Variants in PHIP observed in about 807,000 individuals in gnomAD.
The protein encoded by PHIP is PHIP subunit of CUL4-Ring ligase complex, also known as PH-interacting protein.
PHIP carries 54 observed loss-of-function variants against 236.8 expected under a neutral mutation model. That is an observed-to-expected ratio of 0.23 (90% confidence interval 0.18 to 0.29). The LOEUF (loss-of-function observed/expected upper bound fraction) is 0.29. PHIP is among the 10% of genes least tolerant of loss of function. PHIP has a pLI of 1.00. For missense variants in PHIP, 1,370 were observed against 2,190.8 expected, an observed-to-expected ratio of 0.63 and a Z score of 7.48; for synonymous variants, 756 against 718.9, an observed-to-expected ratio of 1.05 and a Z score of -0.83.
In PHIP at chr6:78,946,394, T is replaced by A. The variant is rs891942486; in HGVS notation, c.4371-134A>T. The A allele has an allele frequency of 1.5e-5, 21 of 1,392,618 alleles. No individual in the cohort carries two copies. The African/African-American group carries it at 2.2e-4, about 15-fold the overall frequency. 86.3% of individuals were successfully genotyped at this position (1,392,618 alleles called of 1,614,324 possible). The stretch of plus-strand genomic sequence containing the variant: ...AATATGAGATTTATAGTGGATTTCA[T>A]ATGATTGTGAGCCTTTGAAAGTGAA... On this transcript the variant is annotated intron_variant, in intron 37 of 39. Transcript: ENST00000275034.
chr6:78,948,294 G>A (rs749868460), intron 35 of PHIP, among the ~76,000 whole-genome samples: 14 of 152,006 alleles, frequency 9.2e-5, no homozygotes, highest in South Asian at 2.1e-4. Flanking sequence ...AAAGAATTAC[G>A]AATGTAAATA....
At chr6:79,058,936 T>C (rs148489973) in intron 6 of PHIP, among the ~76,000 whole-genome samples, 29 of 152,248 alleles carry the variant, frequency 1.9e-4, no homozygotes, top group African/African-American at 6.0e-4. Flanking sequence ...GCAGGAATCC[T>C]ATTATACCAC....
At chr6:78,987,866 T>C (rs1041472990) in intron 21 of PHIP, among the ~76,000 whole-genome samples, 3 of 152,178 alleles carry the variant, frequency 2.0e-5, no homozygotes, top group African/African-American at 7.2e-5. Context: ...AGCTTCATGG[T>C]ACCACTTAAA....
Position 78,982,903 on chromosome 6 carries a change from TG to T in PHIP, c.2751del (p.Glu919LysfsTer12). Reference sequence around the variant, plus strand: ...AACCAAACCTTTTGTTTTCTTTCTTTGGGCTTCTTTTTCTTTGGTGATATTG... The same window carrying T: ...AACCAAACCTTTTGTTTTCTTTCTTTGGCTTCTTTTTCTTTGGTGATATTG... ...DGPISPKKKK[P>X]KERKQKRLAV... On this transcript the variant is annotated frameshift_variant, in exon 23 of 40. Coordinates refer to ENST00000275034, the MANE Select transcript of PHIP (RefSeq NM_017934.7). LOFTEE classifies it high-confidence loss of function. The T allele has an allele frequency of 6.4e-7, 1 of 1,563,250 alleles. No individual in the cohort carries two copies.
chr6:79,077,718 G>A lies in PHIP; in HGVS notation c.111C>T (p.Arg37=), dbSNP rs1333702311. The A allele has an allele frequency of 2.0e-6, 2 of 1,012,820 alleles. No individual in the cohort carries two copies. Among genetic ancestry groups the A allele is most frequent in the Non-Finnish European group, 2.4e-6 (2 of 850,238 alleles). The allele number at this position is 1,012,820 out of a possible 1,614,324, so 62.7% of individuals were successfully genotyped here. A position where few individuals can be genotyped will look rare whatever the true frequency, so the allele number is the denominator to read the frequency against. Residue 37 remains arginine, a synonymous_variant, in exon 3 of 40, where the codon CGC becomes CGT. Coordinates refer to ENST00000275034, the MANE Select transcript of PHIP (RefSeq NM_017934.7). ...PCQQAAQVLI[R]EVAEKELLPR... ...CCCTTACCTCCTTCTCGGCCACCTC[G>A]CGGATCAGCACCTGCAACAACAAAG... is the stretch of plus-strand genomic sequence containing the variant.
At chr6:79,006,033 T>C (rs984371287) in intron 15 of PHIP, among the ~76,000 whole-genome samples, 9 of 152,022 alleles carry the variant, frequency 5.9e-5, no homozygotes, top group African/African-American at 2.2e-4. Context: ...CAGTATTAAT[T>C]TTCTTGGTAT....
chr6:78,960,232 T>G (rs1469064303), intron 31 of PHIP, among the ~76,000 whole-genome samples: 1 of 152,180 alleles, frequency 6.6e-6, no homozygotes, highest in East Asian at 1.9e-4. Flanking sequence ...ACTTTAGCAA[T>G]TATCATGTTG....
At chr6:79,006,974 ATTTTG>A (rs1770323944) in intron 15 of PHIP, among the ~76,000 whole-genome samples, 2 of 152,044 alleles carry the variant, frequency 1.3e-5, no homozygotes, top group South Asian at 4.1e-4. Flanking sequence ...CAATTATTGT[ATTTTG>A]TTTTATTTTT....
chr6:78,983,185 G>A (rs771814241), intron 22 of PHIP, 68 bp from the exon 23 acceptor site: 5 of 773,846 alleles, frequency 6.5e-6, no homozygotes, highest in Non-Finnish European at 8.0e-6. Context: ...TTATAAAAAC[G>A]AAAAGAAAGA....
intron 15 of PHIP, among the ~76,000 whole-genome samples, chr6:79,010,984 G>T (rs1262648093): frequency 1.3e-5 from 2 of 151,866 alleles, no homozygotes; most frequent in Non-Finnish European, 2.9e-5. Context: ...TTTCACAGAA[G>T]GCCCTCAGCT....
At chr6:79,033,337 A>C (rs1367157451) in intron 7 of PHIP, among the ~76,000 whole-genome samples, 1 of 152,202 alleles carries the variant, frequency 6.6e-6, no homozygotes, top group East Asian at 1.9e-4. Flanking sequence ...TAATTATGAA[A>C]GTCCTAGATG....
chr6:78,973,704 C>CA (rs1433824638), intron 24 of PHIP, among the ~76,000 whole-genome samples: 1 of 150,912 alleles, frequency 6.6e-6, no homozygotes, highest in Non-Finnish European at 1.5e-5. Context: ...AAATGGAAAA[C>CA]AAAAAAAGAC....
intron 15 of PHIP, among the ~76,000 whole-genome samples, chr6:79,008,708 C>T (rs1425192689): frequency 6.6e-6 from 1 of 152,096 alleles, no homozygotes; most frequent in African/African-American, 2.4e-5. Context: ...CTATAAGAAA[C>T]ACTTCAACAC....
At position 78,955,425 on chromosome 6, in the gene PHIP, G is replaced by C. The variant is rs1184683348; in HGVS notation, c.3853-143C>G. 9.6e-6 allele frequency: 6 copies of C among 627,920 alleles called. No individual in the cohort carries two copies. The African/African-American group carries it at 1.2e-4, about 12-fold the overall frequency. 38.9% of individuals were successfully genotyped at this position (627,920 alleles called of 1,614,324 possible). A position where few individuals can be genotyped will look rare whatever the true frequency, so the allele number is the denominator to read the frequency against. ...GGCACTTTATTGACTCATTAAAAAGGTTCCCCCCATTAAAAAATTTTTTTT... is the reference window on the plus strand; with the variant it reads ...GGCACTTTATTGACTCATTAAAAAGCTTCCCCCCATTAAAAAATTTTTTTT... On this transcript the variant is annotated intron_variant, in intron 33 of 39. Transcript: ENST00000275034.
intron 36 of PHIP, 58 bp from the exon 37 acceptor site, chr6:78,946,932 G>C (rs1186918637): frequency 1.1e-6 from 1 of 931,748 alleles, no homozygotes; most frequent in South Asian, 1.7e-5. Context: ...CCTTTGTTCA[G>C]TAAATACTGT....
chr6:78,968,188 A>G (rs1003755970), intron 27 of PHIP, among the ~76,000 whole-genome samples: 12 of 152,208 alleles, frequency 7.9e-5, no homozygotes, highest in Non-Finnish European at 1.5e-4. Context: ...TGAAAAATTT[A>G]AACAATCAGA....
chr6:79,043,865 A>C (rs2127760976), intron 6 of PHIP, among the ~76,000 whole-genome samples: 1 of 149,850 alleles, frequency 6.7e-6, no homozygotes, highest in East Asian at 1.9e-4. Context: ...TGCCATCTAC[A>C]TTGGGTAATT....
chr6:78,998,628 G>C (rs1432182880), intron 17 of PHIP, among the ~76,000 whole-genome samples: 1 of 151,954 alleles, frequency 6.6e-6, no homozygotes, highest in Admixed American at 6.6e-5. Flanking sequence ...TGTTTATCAT[G>C]ACTCAGATAC....
At chr6:78,972,187 G>A (rs558295736) in intron 24 of PHIP, among the ~76,000 whole-genome samples, 38 of 151,884 alleles carry the variant, frequency 2.5e-4, no homozygotes, top group African/African-American at 7.7e-4. Flanking sequence ...ATATGAGAAC[G>A]GGCAGACTGC....
Sources: allele counts gnomAD v4.1 joint callset (sites outside exome capture counted in the v4.1 genomes callset), GRCh38; gene constraint gnomAD v4.1.1; transcripts MANE v1.5; gene names NCBI Gene and HGNC (gene_info 2026-07-23, HGNC 2026-07-21).